Variants in TMEM65 observed in about 807,000 individuals in gnomAD.
TMEM65 encodes the protein transmembrane protein 65.
TMEM65 carries 22 observed loss-of-function variants against 25.4 expected under a neutral mutation model. The ratio of observed to expected loss-of-function variants is 0.86; its 90% CI spans 0.62 to 1.23. The LOEUF (loss-of-function observed/expected upper bound fraction) is 1.23, where lower values mean the gene tolerates loss of function less well. Among genes scored for constraint, TMEM65 ranks in the 50% most tolerant of loss-of-function variants. The pLI is 0.00. For missense variants in TMEM65, 262 were observed against 308.2 expected, an observed-to-expected ratio of 0.85 and a Z score of 1.12; for synonymous variants, 132 against 126.2, an observed-to-expected ratio of 1.05 and a Z score of -0.31.
intron 1 of TMEM65, among the ~76,000 whole-genome samples, chr8:124,363,031 A>G (rs137864638): frequency 6.6e-6 from 1 of 152,210 alleles, no homozygotes; most frequent in Non-Finnish European, 1.5e-5. Context: ...AAGGTATGAC[A>G]ATTATTTTAC....
chr8:124,344,703 T>G (rs181167176), intron 1 of TMEM65, among the ~76,000 whole-genome samples: 253 of 152,336 alleles, frequency 1.7e-3, no homozygotes, highest in Middle Eastern at 0.014. Context: ...ATTGGTTCAA[T>G]TGACAGGAGC....
chr8:124,369,516 T>C (rs965306257), intron 1 of TMEM65, among the ~76,000 whole-genome samples: 1 of 152,184 alleles, frequency 6.6e-6, no homozygotes, highest in African/African-American at 2.4e-5. Context: ...TGGCAAGAAA[T>C]AGCCCTTTAA....
At chr8:124,371,186 A>T (rs1815006449) in intron 1 of TMEM65, among the ~76,000 whole-genome samples, 1 of 152,112 alleles carries the variant, frequency 6.6e-6, no homozygotes, top group African/African-American at 2.4e-5. Flanking sequence ...ATACCTCCTT[A>T]TTTATTTCAT....
chr8:124,332,761 G>A (rs370198736), intron 1 of TMEM65, among the ~76,000 whole-genome samples: 30 of 152,114 alleles, frequency 2.0e-4, no homozygotes, highest in East Asian at 1.9e-3. Context: ...ACATTTCCTA[G>A]AAAGTGACAA....
At chr8:124,360,771 C>A (rs1814848832) in intron 1 of TMEM65, among the ~76,000 whole-genome samples, 1 of 151,672 alleles carries the variant, frequency 6.6e-6, no homozygotes, top group Admixed American at 6.6e-5. Flanking sequence ...TTGCTTAGGG[C>A]AATGAAACAG....
chr8:124,339,248 T>TATATATATATAA (rs1489856057), intron 1 of TMEM65, among the ~76,000 whole-genome samples: 52 of 104,568 alleles, frequency 5.0e-4, no homozygotes, highest in African/African-American at 1.7e-3. Flanking sequence ...TATATATATA[T>TATATATATATAA]AAAATATTCT....
At position 124,339,238 on chromosome 8, in the gene TMEM65, T is replaced by A. The variant is rs1463414615; in HGVS notation, c.305-8446A>T. Among the ~76,000 whole-genome samples, 3 of 84,186 alleles carry A rather than the reference T, an allele frequency of 3.6e-5. 1 individual carries two copies. The highest frequency in any genetic ancestry group is 8.2e-5 in the African/African-American group (2 of 24,422). The allele number at this position is 84,186 out of a possible 152,430, so 55.2% of individuals were successfully genotyped here. ...AAAAAAAAAAATATATATATATATA[T>A]ATATATATATAAAATATTCTTGCAA... On this transcript the variant is annotated intron_variant, in intron 1 of 6. Coordinates refer to ENST00000297632, the MANE Select transcript of TMEM65 (RefSeq NM_194291.3).
chr8:124,320,136 G>C lies in TMEM65; in HGVS notation c.571C>G (p.Leu191Val), dbSNP rs1218737871. 6.2e-7 allele frequency: 1 copy of C among 1,613,272 alleles called. No homozygotes were observed. Among genetic ancestry groups the C allele is most frequent in the Non-Finnish European group, 8.5e-7 (1 of 1,179,512 alleles). The change falls in exon 6 of 7, where the codon CTC (leucine) becomes GTC (valine). Residue 191 changes from leucine (L) to valine (V), a missense_variant. Leu to Val is a conservative substitution (Grantham distance 32). Transcript: ENST00000297632. ...ASRLGLSIPD[L>V]TPKQVDMWQT... Reference sequence around the variant, plus strand: ...CACATGTCAACTTGCTTTGGTGTGAGATCAGGAATTGACAGGCCTAACCTG... The same window carrying C: ...CACATGTCAACTTGCTTTGGTGTGACATCAGGAATTGACAGGCCTAACCTG...
intron 1 of TMEM65, among the ~76,000 whole-genome samples, 195 bp downstream of exon 1, chr8:124,371,659 G>A (rs1815013853): frequency 6.6e-6 from 1 of 152,190 alleles, no homozygotes. Flanking sequence ...CGTCCTACCT[G>A]CCTGGGGGAA....
intron 1 of TMEM65, among the ~76,000 whole-genome samples, chr8:124,360,137 A>T (rs2131226327): frequency 6.6e-6 from 1 of 152,010 alleles, no homozygotes; most frequent in East Asian, 1.9e-4. Flanking sequence ...TACATCTATA[A>T]AAAAAAATCT....
At chr8:124,316,726 T>A (rs1814242208) in intron 6 of TMEM65, among the ~76,000 whole-genome samples, 1 of 152,168 alleles carries the variant, frequency 6.6e-6, no homozygotes, top group Non-Finnish European at 1.5e-5. Flanking sequence ...GAAAATAAAC[T>A]TCTGATCCCA....
In TMEM65 at chr8:124,310,392, T is replaced by C. The variant is rs1248389189; in HGVS notation, c.*3568A>G. On this transcript the variant is annotated 3_prime_UTR_variant, in exon 7 of 7. Transcript: ENST00000297632. ...ATGAATCTGGAGGTAAAAAGGAACC[T>C]AGGCAGAGAGCAGACATTGCAAAGC... 1.3e-5 allele frequency: 2 copies of C among 152,284 alleles called. No individual in the cohort carries two copies. Among genetic ancestry groups the C allele is most frequent in the Non-Finnish European group, 2.9e-5 (2 of 68,020 alleles). The allele number at this position is 152,284 out of a possible 1,614,324, so 9.4% of individuals were successfully genotyped here.
intron 1 of TMEM65, among the ~76,000 whole-genome samples, chr8:124,371,418 G>C (rs1354555862): frequency 6.6e-6 from 1 of 152,192 alleles, no homozygotes; most frequent in East Asian, 1.9e-4. Flanking sequence ...TTCCTGCCAG[G>C]CGGGTTTGCA....
intron 1 of TMEM65, among the ~76,000 whole-genome samples, chr8:124,366,760 G>C (rs1025856978): frequency 7.0e-6 from 1 of 143,104 alleles, no homozygotes; most frequent in Admixed American, 7.1e-5. Context: ...GTCTTCTACT[G>C]GCAGTAATCC....
At chr8:124,327,045 A>T (rs1334984876) in intron 3 of TMEM65, among the ~76,000 whole-genome samples, 2 of 152,052 alleles carry the variant, frequency 1.3e-5, no homozygotes, top group African/African-American at 4.8e-5. Flanking sequence ...AGAACATCAG[A>T]ACATTTTACA....
In TMEM65 at chr8:124,307,539, A is replaced by G. The variant is rs1015715357; in HGVS notation, c.*6421T>C. On this transcript the variant is annotated 3_prime_UTR_variant, in exon 7 of 7. Coordinates refer to ENST00000297632, the MANE Select transcript of TMEM65 (RefSeq NM_194291.3). ...TTTGTGATATACCTTTTTATCTCGT[A>G]TTAAAAATGCAACTTTTATGTGGGT... 6.6e-6 allele frequency: 1 copy of G among 152,130 alleles called. No individual in the cohort carries two copies. Among genetic ancestry groups the G allele is most frequent in the African/African-American group, 2.4e-5 (1 of 41,422 alleles). The allele number at this position is 152,130 out of a possible 1,614,324, so 9.4% of individuals were successfully genotyped here.
At chr8:124,346,686 T>C (rs1814644120) in intron 1 of TMEM65, among the ~76,000 whole-genome samples, 1 of 152,206 alleles carries the variant, frequency 6.6e-6, no homozygotes, top group South Asian at 2.1e-4. Context: ...TTGCTGACCT[T>C]TGACCACCTA....
chr8:124,318,953 T>C (rs931986103), intron 6 of TMEM65, among the ~76,000 whole-genome samples: 1 of 152,200 alleles, frequency 6.6e-6, no homozygotes, highest in African/African-American at 2.4e-5. Context: ...TCATAACACA[T>C]ATAAACTTCT....
chr8:124,315,474 A>G lies in TMEM65; in HGVS notation c.622-1413T>C, dbSNP rs193155886. 6.1e-3 allele frequency among the ~76,000 whole-genome samples: 924 copies of G among 152,020 alleles called. 13 individuals carry two copies. The highest frequency in any genetic ancestry group is 0.022 in the African/African-American group (896 of 41,448). On this transcript the variant is annotated intron_variant, in intron 6 of 6. Transcript: ENST00000297632. Reference sequence around the variant, plus strand: ...GTAGCTGGGACCACAGGTGCCCACCACCACGCCCGGCTAATTTTTTGTATT... The same window carrying G: ...GTAGCTGGGACCACAGGTGCCCACCGCCACGCCCGGCTAATTTTTTGTATT...
Sources: gnomAD v4.1 joint callset for allele counts (sites outside exome capture counted in the v4.1 genomes callset) on GRCh38, gnomAD v4.1.1 for gene constraint, MANE v1.5 for transcripts, NCBI Gene and HGNC (gene_info 2026-07-23, HGNC 2026-07-21) for gene names.